Variants in KDM2A observed in about 807,000 individuals in gnomAD.
KDM2A encodes lysine-specific demethylase 2A.
In KDM2A, 3 loss-of-function variants were observed where a neutral mutation model predicts 137.3. The observed-to-expected ratio is 0.02, with a 90% CI of 0.01 to 0.06. The LOEUF (loss-of-function observed/expected upper bound fraction) is 0.06, where lower values mean the gene tolerates loss of function less well. Ranked by LOEUF, KDM2A falls within the 10% of genes least tolerant of loss-of-function variation. The pLI is 1.00. For synonymous variants in KDM2A, 512 were observed against 541.5 expected (o/e 0.95, Z 0.76); for missense variants, 738 against 1,510.6 (o/e 0.49, Z 8.48).
intron 1 of KDM2A, among the ~76,000 whole-genome samples, chr11:67,120,637 C>T (rs1855577696): frequency 6.6e-6 from 1 of 152,010 alleles, no homozygotes; most frequent in African/African-American, 2.4e-5. Flanking sequence ...CAGAGTTGTG[C>T]ACATCTTGTG....
intron 2 of KDM2A, among the ~76,000 whole-genome samples, chr11:67,124,862 CTTT>C (rs1266365913): frequency 2.1e-5 from 3 of 142,562 alleles, no homozygotes; most frequent in Non-Finnish European, 1.5e-5. Flanking sequence ...CTTTTTCTTT[CTTT>C]TTTTTTTTTT....
Position 67,159,179 on chromosome 11 carries a change from GT to G in KDM2A, c.43-20898del, listed in dbSNP as rs992868716. On this transcript the variant is annotated intron_variant, in intron 2 of 20. Transcript: ENST00000529006. ...CATTTAGGCCTATGATCTTTTTTGA[GT>G]TAATTTTTCTGAAAGGCATAAAGTT... Among the ~76,000 whole-genome samples the G allele has an allele frequency of 9.9e-5, 15 of 152,176 alleles. 2 individuals are homozygous for G. Among genetic ancestry groups the G allele is most frequent in the Admixed American group, 7.9e-4 (12 of 15,270 alleles).
chr11:67,159,121 T>A (rs1296310169), intron 2 of KDM2A, among the ~76,000 whole-genome samples: 1 of 152,244 alleles, frequency 6.6e-6, no homozygotes, highest in African/African-American at 2.4e-5. Context: ...TTTCTCCTCT[T>A]ATCTTTTAGA....
intron 2 of KDM2A, among the ~76,000 whole-genome samples, chr11:67,131,423 T>C (rs1350405787): frequency 6.6e-6 from 1 of 151,194 alleles, no homozygotes; most frequent in Non-Finnish European, 1.5e-5. Flanking sequence ...TTTTTTTTTT[T>C]TTTTTGAGAT....
chr11:67,207,655 C>T lies in KDM2A; in HGVS notation c.453C>T (p.Thr151=). 6.2e-7 allele frequency: 1 copy of T among 1,612,750 alleles called. No homozygotes were observed. Among genetic ancestry groups the T allele is most frequent in the Non-Finnish European group, 8.5e-7 (1 of 1,179,246 alleles). The change falls in exon 6 of 21, where the codon ACC becomes ACT. Residue 151 remains threonine, a synonymous_variant. Coordinates refer to ENST00000529006, the MANE Select transcript of KDM2A (RefSeq NM_012308.3). ...YNVISLEFSH[T]RLENMVQRPS... ...TCATCAGCCTCGAGTTTAGCCACAC[C>T]AGGCTGGAGAATATGGTGCAGAGGC...
chr11:67,217,500 G>A (rs953730363), intron 8 of KDM2A: 15 of 534,018 alleles, frequency 2.8e-5, no homozygotes, highest in Non-Finnish European at 4.4e-5. Flanking sequence ...CCTGGATGGT[G>A]TATAGTCAAA....
intron 2 of KDM2A, among the ~76,000 whole-genome samples, chr11:67,172,523 T>TA (rs1565388309): frequency 6.6e-6 from 1 of 152,162 alleles, no homozygotes; most frequent in African/African-American, 2.4e-5. Flanking sequence ...TAGTTTTTTT[T>TA]ATGCTATTAT....
chr11:67,129,550 C>T (rs1024068567), intron 2 of KDM2A, among the ~76,000 whole-genome samples: 4 of 151,600 alleles, frequency 2.6e-5, no homozygotes, highest in South Asian at 4.2e-4. Flanking sequence ...CTGGCTAACA[C>T]GGTGAAACCC....
At chr11:67,140,195 G>A (rs773399442) in intron 2 of KDM2A, among the ~76,000 whole-genome samples, 27 of 151,924 alleles carry the variant, frequency 1.8e-4, no homozygotes, top group East Asian at 9.7e-4. Context: ...GCGAAATCCC[G>A]TCTCTCCAAA....
intron 2 of KDM2A, among the ~76,000 whole-genome samples, chr11:67,157,686 A>G (rs1853597684): frequency 6.7e-6 from 1 of 149,976 alleles, no homozygotes. Context: ...TGGGGTTTGC[A>G]GTGAGCTGAG....
chr11:67,203,548 A>G (rs937274399), intron 5 of KDM2A, among the ~76,000 whole-genome samples: 1 of 148,842 alleles, frequency 6.7e-6, no homozygotes, highest in African/African-American at 2.4e-5. Flanking sequence ...TCTAGTAATA[A>G]AAGAATACCA....
At chr11:67,161,453 A>C (rs113573619) in intron 2 of KDM2A, among the ~76,000 whole-genome samples, 30 of 152,334 alleles carry the variant, frequency 2.0e-4, no homozygotes, top group Non-Finnish European at 3.8e-4. Flanking sequence ...GTTGTAGTAC[A>C]GTGTTTTGCA....
At chr11:67,121,104 C>T (rs1855589064) in intron 1 of KDM2A, 130 bp from the exon 2 acceptor site, 1 of 565,934 alleles carries the variant, frequency 1.8e-6, no homozygotes, top group East Asian at 2.9e-5. Context: ...GCAGAAAGGT[C>T]CCAAACTCAT....
intron 5 of KDM2A, among the ~76,000 whole-genome samples, chr11:67,203,376 G>A (rs528828059): frequency 6.7e-6 from 1 of 150,040 alleles, no homozygotes; most frequent in Admixed American, 6.7e-5. Flanking sequence ...TCCAAGATAT[G>A]GTTATACTAA....
At chr11:67,223,355 G>A (rs750550183) in intron 10 of KDM2A, among the ~76,000 whole-genome samples, 1 of 151,544 alleles carries the variant, frequency 6.6e-6, no homozygotes, top group East Asian at 1.9e-4. Context: ...AAATTTTAAT[G>A]CCTGTATTTC....
intron 5 of KDM2A, among the ~76,000 whole-genome samples, chr11:67,182,994 G>A (rs933606016): frequency 6.6e-6 from 1 of 152,120 alleles, no homozygotes; most frequent in South Asian, 2.1e-4. Context: ...ACTATCTCCT[G>A]GCCACTTGTG....
intron 2 of KDM2A, among the ~76,000 whole-genome samples, chr11:67,157,101 C>T (rs954280195): frequency 6.6e-6 from 1 of 151,692 alleles, no homozygotes. Flanking sequence ...ATCACGAGGT[C>T]AGGAGATAGA....
intron 2 of KDM2A, among the ~76,000 whole-genome samples, chr11:67,126,710 A>AG (rs1160122288): frequency 6.7e-6 from 1 of 150,308 alleles, no homozygotes; most frequent in African/African-American, 2.4e-5. Context: ...TCCATTTCAA[A>AG]AAAAAAAAAA....
intron 2 of KDM2A, among the ~76,000 whole-genome samples, chr11:67,129,607 G>A (rs1197517444): frequency 1.6e-4 from 24 of 151,886 alleles, no homozygotes; most frequent in African/African-American, 5.1e-4. Flanking sequence ...GATGGTGGGC[G>A]CCTGTAGTCC....
Sources: allele counts gnomAD v4.1 joint callset (sites outside exome capture counted in the v4.1 genomes callset), GRCh38; gene constraint gnomAD v4.1.1; transcripts MANE v1.5; gene names NCBI Gene and HGNC (gene_info 2026-07-23, HGNC 2026-07-21).